The following ME2 variants were observed in gnomAD, a reference collection of about 807,000 sequenced individuals.
The protein encoded by ME2 is malic enzyme 2.
A neutral mutation model predicts 73.7 loss-of-function variants in ME2; 60 were observed. That is an observed-to-expected ratio of 0.81 (90% CI 0.66 to 1.01). ME2 has a LOEUF of 1.01. ME2 is among the 50% of genes least tolerant of loss of function. ME2 has a pLI of 0.00. For synonymous variants in ME2, 199 were observed against 236.9 expected, an observed-to-expected ratio of 0.84 and a Z score of 1.47; for missense variants, 594 against 705.5, an observed-to-expected ratio of 0.84 and a Z score of 1.79.
intron 13 of ME2, chr18:50,935,592 A>G (rs1917797986): frequency 6.6e-6 from 1 of 151,100 alleles, no homozygotes; most frequent in Non-Finnish European, 1.5e-5. Context: ...AAATTAAAAA[A>G]AAAAAAAAAA....
intron 12 of ME2, among the ~76,000 whole-genome samples, chr18:50,929,513 AC>A (rs1599117888): frequency 6.6e-6 from 1 of 151,768 alleles, no homozygotes; most frequent in Admixed American, 6.6e-5. Context: ...CAACAAAAAA[AC>A]AACCTTTATG....
intron 2 of ME2, among the ~76,000 whole-genome samples, chr18:50,897,894 A>C (rs1916788907): frequency 2.0e-5 from 3 of 152,138 alleles, no homozygotes. Flanking sequence ...AAAAAAAAGA[A>C]TGTCTAACAT....
chr18:50,940,508 A>G, intron 15 of ME2, 122 bp downstream of exon 15: 1 of 672,256 alleles, frequency 1.5e-6, no homozygotes, highest in African/African-American at 1.8e-5. Context: ...TTTTAGGCCC[A>G]TATTCTTACT....
rs200832160 is a variant in ME2 at position 50,940,346 on chromosome 18, T to C, written c.1547T>C (p.Leu516Pro). ...ELAQGRLYPP[L>P]ANIQEVSINI... ...GCCCAAGGGAGACTTTACCCACCGCTTGCTAATATTCAGGAAGTTTCTATT... is the reference window on the plus strand; with the variant it reads ...GCCCAAGGGAGACTTTACCCACCGCCTGCTAATATTCAGGAAGTTTCTATT... Residue 516 changes from leucine (L) to proline (P), a missense_variant, in exon 15 of 16, where the codon CTT becomes CCT. Physicochemically the swap from Leu to Pro is moderately conservative, Grantham distance 98. Coordinates refer to ENST00000321341, the MANE Select transcript of ME2 (RefSeq NM_002396.5). 1.6e-5 allele frequency: 25 copies of C among 1,611,428 alleles called. No homozygotes were observed. Among genetic ancestry groups the C allele is most frequent in the Middle Eastern group, 1.7e-4 (1 of 6,052 alleles).
chr18:50,927,926 G>C (rs1351284107), intron 12 of ME2, among the ~76,000 whole-genome samples: 15 of 142,940 alleles, frequency 1.0e-4, no homozygotes, highest in Non-Finnish European at 3.0e-5. Context: ...TAATCCTCTT[G>C]CCTCAGCTTC....
intron 1 of ME2, among the ~76,000 whole-genome samples, chr18:50,894,120 TA>T (rs1393004362): frequency 6.6e-6 from 1 of 152,240 alleles, no homozygotes; most frequent in Non-Finnish European, 1.5e-5. Flanking sequence ...CTAAGCCTCA[TA>T]CAAGTGGTCT....
At chr18:50,891,990 T>C (rs1356773683) in intron 1 of ME2, among the ~76,000 whole-genome samples, 1 of 148,442 alleles carries the variant, frequency 6.7e-6, no homozygotes, top group African/African-American at 2.5e-5. Context: ...GTGTGTGGGT[T>C]TTTTTTTTTT....
In ME2 at chr18:50,946,957, C is replaced by T. The variant is rs554497084; in HGVS notation, c.1588-60C>T. On this transcript the variant is annotated intron_variant, in intron 15 of 15. Transcript: ENST00000321341. ...CTTATTTTCCTGTGTTATAATAGTA[C>T]GTTGTCTCTCTAATAGGTTAATACT... 1.2e-4 allele frequency: 147 copies of T among 1,203,356 alleles called. 1 individual carries two copies. The African/African-American group carries it at 1.2e-3, about 10-fold the overall frequency. 74.5% of individuals were successfully genotyped at this position (1,203,356 alleles called of 1,614,324 possible).
At chr18:50,940,267 A>C in intron 14 of ME2, 21 bp from the exon 15 acceptor site, 1 of 1,560,228 alleles carries the variant, frequency 6.4e-7, no homozygotes, top group Non-Finnish European at 8.8e-7. Context: ...AACAAAAGCA[A>C]AATGCTGTTT....
chr18:50,912,955 G>C lies in ME2; in HGVS notation c.392+5G>C. ...ACACATCTTTAGAAGACCTAAGTAA[G>C]GCTTGTTTAAAAAAAAGCTTGTAAA... On this transcript the variant is annotated splice_donor_5th_base_variant and intron_variant, in intron 4 of 15. Transcript: ENST00000321341. The C allele has an allele frequency of 3.2e-6, 5 of 1,574,910 alleles. No individual in the cohort carries two copies. The highest frequency in any genetic ancestry group is 3.4e-6 in the Non-Finnish European group (4 of 1,167,586).
Position 50,915,089 on chromosome 18 carries a change from C to CCCT in ME2, c.393-1053_393-1051dup, listed in dbSNP as rs57668604. ...CCACCCCTGAGACAGGAAGACCAAC[C>CCCT]CCTCCTCCTCCTCCTCCTCCTCCTC... On this transcript the variant is annotated intron_variant, in intron 4 of 15. Coordinates refer to ENST00000321341, the MANE Select transcript of ME2 (RefSeq NM_002396.5). Among the ~76,000 whole-genome samples the CCCT allele has an allele frequency of 2.4e-3, 364 of 150,436 alleles. 3 individuals are homozygous for CCCT. Among genetic ancestry groups the CCCT allele is most frequent in the East Asian group, 0.01 (53 of 5,114 alleles).
At chr18:50,889,024 GTTC>G (rs142836022) in intron 1 of ME2, among the ~76,000 whole-genome samples, 2,574 of 152,122 alleles carry the variant, frequency 0.017, 67 homozygotes, top group African/African-American at 0.059. Flanking sequence ...AAACATTCCA[GTTC>G]TTCTCTTTTA....
At chr18:50,933,211 A>G (rs1917739455) in intron 13 of ME2, 1 of 152,166 alleles carries the variant, frequency 6.6e-6, no homozygotes, top group South Asian at 2.1e-4. Flanking sequence ...ATAAATTTCT[A>G]GTGATCCTCA....
chr18:50,945,975 G>T (rs912311282), intron 15 of ME2, among the ~76,000 whole-genome samples: 5 of 152,158 alleles, frequency 3.3e-5, no homozygotes, highest in African/African-American at 1.2e-4. Context: ...GCTGAGGCAG[G>T]AGAATCGCTT....
chr18:50,887,886 T>C (rs2144183418), intron 1 of ME2, among the ~76,000 whole-genome samples: 1 of 152,156 alleles, frequency 6.6e-6, no homozygotes, highest in East Asian at 1.9e-4. Flanking sequence ...AAAATAAATA[T>C]TTAATGAAGC....
At chr18:50,931,670 T>C (rs1455416379) in intron 12 of ME2, among the ~76,000 whole-genome samples, 1 of 151,994 alleles carries the variant, frequency 6.6e-6, no homozygotes, top group East Asian at 1.9e-4. Flanking sequence ...AATTTCTTTT[T>C]TTTTTCTTTT....
Position 50,917,365 on chromosome 18 carries a change from G to A in ME2, c.487G>A (p.Gly163Arg), listed in dbSNP as rs1382972962. ...GATTAAGGCTGTTGTAGTGACTGAT[G>A]GAGAGAGAATTCTGGGTCTTGGAGA... is the stretch of plus-strand genomic sequence containing the variant. ...NHVKAVVVTD[G>R]ERILGLGDLG... The change falls in exon 6 of 16, where the codon GGA (glycine) becomes AGA (arginine). Residue 163 changes from glycine to arginine, a missense_variant. Physicochemically the swap from Gly to Arg is moderately radical, Grantham distance 125. Coordinates refer to ENST00000321341, the MANE Select transcript of ME2 (RefSeq NM_002396.5). 1 of 1,613,382 alleles carries A rather than the reference G, an allele frequency of 6.2e-7. No individual in the cohort carries two copies. The highest frequency in any genetic ancestry group is 8.5e-7 in the Non-Finnish European group (1 of 1,179,554).
rs1344668042 is a variant in ME2, at chr18:50,953,094, T to TC, written c.*5910_*5911insC. ...TCAGATGAGAATTCTCACTTATTCT[T>TC]TTTTTTTTTTTTTTTTCTTTTCTTT... On this transcript the variant is annotated 3_prime_UTR_variant, in exon 16 of 16. Coordinates refer to ENST00000321341, the MANE Select transcript of ME2 (RefSeq NM_002396.5). The TC allele has an allele frequency of 5.5e-5, 8 of 145,800 alleles. No homozygotes were observed. Among genetic ancestry groups the TC allele is most frequent in the African/African-American group, 1.7e-4 (7 of 40,254 alleles). 9.0% of individuals were successfully genotyped at this position (145,800 alleles called of 1,614,324 possible).
intron 13 of ME2, 36 bp from the exon 14 acceptor site, chr18:50,939,534 A>G (rs1377195009): frequency 7.0e-7 from 1 of 1,425,080 alleles, no homozygotes; most frequent in Admixed American, 1.7e-5. Flanking sequence ...TAATTTGAAA[A>G]GTGACCATAC....
Sources: allele counts gnomAD v4.1 joint callset (sites outside exome capture counted in the v4.1 genomes callset), GRCh38; gene constraint gnomAD v4.1.1; transcripts MANE v1.5; gene names NCBI Gene and HGNC (gene_info 2026-07-23, HGNC 2026-07-21).